DPP6: variants seen among roughly 807,000 people sequenced by gnomAD.
DPP6 encodes dipeptidyl peptidase like 6.
A neutral mutation model predicts 122.6 loss-of-function variants in DPP6; 69 were observed. That is an observed-to-expected ratio of 0.56 (90% CI 0.46 to 0.69). The LOEUF (loss-of-function observed/expected upper bound fraction) is 0.69, where lower values mean the gene tolerates loss of function less well. DPP6 is among the 30% of genes least tolerant of loss of function. The probability of loss-of-function intolerance (pLI) is 0.00; values close to 1 mark genes in which losing one functional copy is unlikely to be tolerated. For synonymous variants in DPP6, 418 were observed against 433.1 expected (o/e 0.97, Z 0.43); for missense variants, 928 against 1,116.9 (o/e 0.83, Z 2.41).
the DPP6 span, among the ~76,000 whole-genome samples, chr7:153,874,273 C>CACACAG: frequency 2.6e-5 from 4 of 152,092 alleles, no homozygotes; most frequent in Non-Finnish European, 5.9e-5. Flanking sequence ...CACACACACA[C>CACACAG]ACACACAGAC....
intron 1 of DPP6, among the ~76,000 whole-genome samples, chr7:153,942,613 T>TG (rs1801748952): frequency 6.6e-6 from 1 of 152,192 alleles, no homozygotes; most frequent in Non-Finnish European, 1.5e-5. Context: ...AAATGTAATG[T>TG]CAGGAGGTAG....
intron 1 of DPP6, among the ~76,000 whole-genome samples, chr7:154,129,961 A>T (rs947463210): frequency 2.6e-5 from 4 of 151,886 alleles, no homozygotes; most frequent in African/African-American, 9.7e-5. Context: ...CTGTAATCCC[A>T]GTTACTCAGG....
intron 3 of DPP6, among the ~76,000 whole-genome samples, chr7:154,525,840 G>T (rs1454549275): frequency 1.3e-5 from 2 of 151,348 alleles, no homozygotes; most frequent in African/African-American, 4.9e-5. Flanking sequence ...TCATGCAAAT[G>T]AGTTACTGAT....
chr7:154,676,121 C>T (rs929115151), intron 7 of DPP6, among the ~76,000 whole-genome samples: 1 of 137,786 alleles, frequency 7.3e-6, no homozygotes, highest in African/African-American at 2.8e-5. Context: ...AGCCTTGCAG[C>T]ATGCTGTCTG....
At chr7:154,704,597 G>T (rs1840720463) in intron 7 of DPP6, among the ~76,000 whole-genome samples, 1 of 152,202 alleles carries the variant, frequency 6.6e-6, no homozygotes, top group Non-Finnish European at 1.5e-5. Flanking sequence ...ACCAGCCCCT[G>T]ATCAGTCAGC....
At chr7:154,641,925 G>A (rs560284763) in intron 6 of DPP6, among the ~76,000 whole-genome samples, 92 of 152,248 alleles carry the variant, frequency 6.0e-4, no homozygotes, top group African/African-American at 1.9e-3. Context: ...TTACCTACTC[G>A]TAATTTTCAG....
At chr7:153,771,960 C>T in the DPP6 span, among the ~76,000 whole-genome samples, 3 of 151,940 alleles carry the variant, frequency 2.0e-5, no homozygotes, top group African/African-American at 7.2e-5. Flanking sequence ...CTGATTTTTT[C>T]AAGCAAAAAT....
the DPP6 span, among the ~76,000 whole-genome samples, chr7:153,866,201 A>C: frequency 6.6e-6 from 1 of 152,076 alleles, no homozygotes; most frequent in South Asian, 2.1e-4. Context: ...TGGTATTTCT[A>C]GTTCTAGATC....
At chr7:154,228,909 T>C (rs1800761622) in intron 1 of DPP6, among the ~76,000 whole-genome samples, 1 of 152,154 alleles carries the variant, frequency 6.6e-6, no homozygotes, top group Non-Finnish European at 1.5e-5. Context: ...ACAGATTTTG[T>C]AAGATTAGGA....
chr7:154,078,755 C>G (rs1168884969), intron 1 of DPP6, among the ~76,000 whole-genome samples: 2 of 151,982 alleles, frequency 1.3e-5, no homozygotes, highest in Non-Finnish European at 2.9e-5. Context: ...CACGAAAGAA[C>G]ATGAAAAGCA....
At chr7:154,770,159 A>G (rs1451441787) in intron 9 of DPP6, among the ~76,000 whole-genome samples, 1 of 152,196 alleles carries the variant, frequency 6.6e-6, no homozygotes, top group Non-Finnish European at 1.5e-5. Flanking sequence ...TGATTAAGAC[A>G]TACCCAAGAC....
chr7:153,923,550 A>T (rs544508450), intron 1 of DPP6, among the ~76,000 whole-genome samples: 1 of 152,056 alleles, frequency 6.6e-6, no homozygotes, highest in Non-Finnish European at 1.5e-5. Flanking sequence ...TCATGAGGTC[A>T]GGAGATCGAG....
intron 1 of DPP6, among the ~76,000 whole-genome samples, chr7:154,019,566 C>G (rs1563105775): frequency 6.6e-6 from 1 of 152,086 alleles, no homozygotes. Flanking sequence ...GCTTCAATAG[C>G]TGATCATTCT....
Position 153,908,663 on chromosome 7 carries a change from C to G in DPP6, c.51+20929C>G, listed in dbSNP as rs144594770. Among the ~76,000 whole-genome samples the G allele has an allele frequency of 3.3e-5, 5 of 152,254 alleles. No individual in the cohort carries two copies. In the East Asian group the frequency reaches 9.6e-4, roughly 29 times the overall value. On this transcript the variant is annotated intron_variant, in intron 1 of 25. Transcript: ENST00000404039. ...TGCCATCTTCAAGGATTTCATTATACGATTCCTTATGAACACTGTCATAAA... is the reference window on the plus strand; with the variant it reads ...TGCCATCTTCAAGGATTTCATTATAGGATTCCTTATGAACACTGTCATAAA...
intron 1 of DPP6, among the ~76,000 whole-genome samples, chr7:154,379,289 C>A (rs547849570): frequency 2.0e-5 from 3 of 152,154 alleles, no homozygotes; most frequent in Non-Finnish European, 2.9e-5. Context: ...TAAGAATTTA[C>A]CCCACAAAAA....
intron 3 of DPP6, among the ~76,000 whole-genome samples, chr7:154,485,070 C>T (rs532456969): frequency 6.6e-6 from 1 of 151,966 alleles, no homozygotes; most frequent in Admixed American, 6.6e-5. Flanking sequence ...TCAATCAAAA[C>T]CATTAAGCCT....
At chr7:154,800,153 T>A (rs2150445611) in intron 12 of DPP6, among the ~76,000 whole-genome samples, 1 of 152,334 alleles carries the variant, frequency 6.6e-6, no homozygotes, top group South Asian at 2.1e-4. Flanking sequence ...TTTTTCCATT[T>A]CCTCTGCTTT....
At chr7:153,960,737 T>A in intron 1 of DPP6, among the ~76,000 whole-genome samples, 1 of 132,702 alleles carries the variant, frequency 7.5e-6, no homozygotes, top group Non-Finnish European at 1.6e-5. Context: ...GTGTGCATAT[T>A]TGTGTGTGAT....
chr7:154,148,755 A>G (rs1294298205), intron 1 of DPP6, among the ~76,000 whole-genome samples: 1 of 152,260 alleles, frequency 6.6e-6, no homozygotes. Context: ...ATGCTTCCAA[A>G]ATGCCTCATC....
Sources: gnomAD v4.1 joint callset for allele counts (sites outside exome capture counted in the v4.1 genomes callset) on GRCh38, gnomAD v4.1.1 for gene constraint, MANE v1.5 for transcripts, NCBI Gene and HGNC (gene_info 2026-07-23, HGNC 2026-07-21) for gene names.